Variants in PDE4B observed in about 807,000 individuals in gnomAD.
PDE4B encodes 3',5'-cyclic-AMP phosphodiesterase 4B.
Under a neutral mutation model 82.2 loss-of-function variants are expected in PDE4B, and 20 were observed. The observed-to-expected ratio is 0.24, with a 90% CI of 0.17 to 0.35. The LOEUF is 0.35. Ranked by LOEUF, PDE4B falls within the 10% of genes least tolerant of loss-of-function variation. PDE4B has a pLI of 1.00. For synonymous variants in PDE4B, 320 were observed against 318.9 expected, an observed-to-expected ratio of 1.00 and a Z score of -0.04; for missense variants, 655 against 907.2, an observed-to-expected ratio of 0.72 and a Z score of 3.57.
At chr1:65,799,911 G>A (rs1310120956) in intron 1 of PDE4B, among the ~76,000 whole-genome samples, 5 of 152,172 alleles carry the variant, frequency 3.3e-5, no homozygotes, top group Non-Finnish European at 5.9e-5. Flanking sequence ...TTCTCCATCT[G>A]TTTCTTTCTG....
rs1027495761 is a variant in PDE4B, at chr1:66,228,747, G to A, written c.282-18713G>A. On this transcript the variant is annotated intron_variant, in intron 3 of 16. Coordinates refer to ENST00000341517, the MANE Select transcript of PDE4B (RefSeq NM_002600.4). Reference sequence around the variant, plus strand: ...CGACTCAGTGTGTCACCAAAGATTCGGAATCCTCTTATCTTCTTTTTCTAC... The same window carrying A: ...CGACTCAGTGTGTCACCAAAGATTCAGAATCCTCTTATCTTCTTTTTCTAC... 1.5e-4 allele frequency among the ~76,000 whole-genome samples: 23 copies of A among 151,870 alleles called. No homozygotes were observed. The South Asian group carries it at 3.1e-3, about 21-fold the overall frequency.
intron 1 of PDE4B, among the ~76,000 whole-genome samples, chr1:65,815,115 A>T: frequency 6.6e-6 from 1 of 151,582 alleles, no homozygotes; most frequent in Non-Finnish European, 1.5e-5. Flanking sequence ...TGTGCAGGTT[A>T]GTTACATATG....
At chr1:65,838,178 G>A (rs556935542) in intron 1 of PDE4B, among the ~76,000 whole-genome samples, 5 of 151,986 alleles carry the variant, frequency 3.3e-5, no homozygotes, top group African/African-American at 9.7e-5. Context: ...TGAAACCTCC[G>A]CATGTACTTT....
intron 3 of PDE4B, among the ~76,000 whole-genome samples, chr1:65,928,448 C>G (rs1647642813): frequency 6.6e-6 from 1 of 152,170 alleles, no homozygotes; most frequent in African/African-American, 2.4e-5. Flanking sequence ...CACTTTGCCT[C>G]TGCTGTCCAA....
intron 3 of PDE4B, among the ~76,000 whole-genome samples, chr1:66,153,743 T>A (rs1318514053): frequency 6.6e-6 from 1 of 152,172 alleles, no homozygotes; most frequent in Non-Finnish European, 1.5e-5. Flanking sequence ...TGCAGTCACT[T>A]TCCTTTTAGT....
At chr1:65,939,305 A>G (rs1326793702) in intron 3 of PDE4B, among the ~76,000 whole-genome samples, 2 of 152,056 alleles carry the variant, frequency 1.3e-5, no homozygotes, top group Non-Finnish European at 2.9e-5. Flanking sequence ...TGGCCAAATC[A>G]TGCCCTTGAA....
At chr1:66,154,874 A>G (rs982712822) in intron 3 of PDE4B, among the ~76,000 whole-genome samples, 1 of 152,156 alleles carries the variant, frequency 6.6e-6, no homozygotes, top group East Asian at 1.9e-4. Context: ...AATTTCCTCA[A>G]GTAATAGGAT....
intron 1 of PDE4B, among the ~76,000 whole-genome samples, chr1:65,862,630 G>C (rs1355802486): frequency 6.6e-6 from 1 of 152,152 alleles, no homozygotes; most frequent in African/African-American, 2.4e-5. Flanking sequence ...AATGGTACTA[G>C]CTCCTCTTTG....
chr1:66,293,393 C>CT (rs1027670476), intron 7 of PDE4B, among the ~76,000 whole-genome samples: 7 of 151,304 alleles, frequency 4.6e-5, no homozygotes, highest in Admixed American at 2.6e-4. Context: ...TTGTCATTCA[C>CT]TTTTTTTGGC....
intron 3 of PDE4B, among the ~76,000 whole-genome samples, chr1:65,961,466 GCTC>G (rs936995767): frequency 2.0e-5 from 3 of 151,994 alleles, no homozygotes; most frequent in African/African-American, 7.2e-5. Flanking sequence ...TAATTTTATA[GCTC>G]CTCTTTTATA....
intron 1 of PDE4B, among the ~76,000 whole-genome samples, chr1:65,826,204 C>A (rs1646015777): frequency 1.3e-5 from 2 of 152,274 alleles, no homozygotes; most frequent in Middle Eastern, 3.4e-3. Context: ...ATACTTCTTG[C>A]AAAATAATAT....
At chr1:65,886,327 C>G (rs1243369536) in intron 1 of PDE4B, among the ~76,000 whole-genome samples, 4 of 152,036 alleles carry the variant, frequency 2.6e-5, no homozygotes, top group Non-Finnish European at 4.4e-5. Context: ...ATGATCAAGT[C>G]AGAGTATTTG....
chr1:65,857,778 T>C (rs1279723581), intron 1 of PDE4B, among the ~76,000 whole-genome samples: 1 of 152,248 alleles, frequency 6.6e-6, no homozygotes, highest in Non-Finnish European at 1.5e-5. Flanking sequence ...GTTGGATAAG[T>C]GAATACTTGA....
At chr1:65,883,582 T>A (rs1020543798) in intron 1 of PDE4B, among the ~76,000 whole-genome samples, 2 of 152,200 alleles carry the variant, frequency 1.3e-5, no homozygotes, top group African/African-American at 4.8e-5. Context: ...TTTCTAGATA[T>A]ACAATCATGT....
At chr1:66,271,529 A>G (rs1655477720) in intron 7 of PDE4B, among the ~76,000 whole-genome samples, 2 of 152,252 alleles carry the variant, frequency 1.3e-5, no homozygotes, top group South Asian at 4.1e-4. Context: ...CGTTTTTTAC[A>G]AAGACAACCA....
chr1:65,853,153 A>T (rs558035275), intron 1 of PDE4B, among the ~76,000 whole-genome samples: 1 of 152,088 alleles, frequency 6.6e-6, no homozygotes, highest in African/African-American at 2.4e-5. Context: ...TGTCCTAATT[A>T]CATTCCTTGT....
intron 6 of PDE4B, among the ~76,000 whole-genome samples, chr1:66,264,167 AG>A (rs1367074807): frequency 1.3e-5 from 2 of 152,234 alleles, no homozygotes. Flanking sequence ...GCACAGAGCC[AG>A]TCAGTGGTCT....
intron 3 of PDE4B, among the ~76,000 whole-genome samples, chr1:66,195,150 T>C (rs1648180969): frequency 1.3e-5 from 2 of 152,140 alleles, no homozygotes; most frequent in African/African-American, 2.4e-5. Context: ...TAGACTCTTT[T>C]GAGCAAAATG....
chr1:65,908,003 C>A (rs1168189727), intron 1 of PDE4B, among the ~76,000 whole-genome samples: 2 of 152,086 alleles, frequency 1.3e-5, no homozygotes, highest in Non-Finnish European at 2.9e-5. Flanking sequence ...TAATCCTCAT[C>A]CTGGCAACCT....
Sources: allele counts gnomAD v4.1 joint callset (sites outside exome capture counted in the v4.1 genomes callset), GRCh38; gene constraint gnomAD v4.1.1; transcripts MANE v1.5; gene names NCBI Gene and HGNC (gene_info 2026-07-23, HGNC 2026-07-21).